Variants in UACA observed in about 807,000 individuals in gnomAD.
The protein encoded by UACA is uveal autoantigen with coiled-coil domains and ankyrin repeats.
In UACA, 112 loss-of-function variants were observed where a neutral mutation model predicts 160.5. That is an observed-to-expected ratio of 0.70 (90% CI 0.60 to 0.82). The LOEUF (loss-of-function observed/expected upper bound fraction) is 0.82, where lower values mean the gene tolerates loss of function less well. Among genes scored for constraint, UACA ranks in the 40% least tolerant of loss-of-function variants. UACA has a pLI of 0.00. For missense variants in UACA, 1,574 were observed against 1,614.6 expected, an observed-to-expected ratio of 0.97 and a Z score of 0.43; for synonymous variants, 557 against 568.4, an observed-to-expected ratio of 0.98 and a Z score of 0.29.
At chr15:70,770,908 G>A in the UACA span, among the ~76,000 whole-genome samples, 2 of 152,308 alleles carry the variant, frequency 1.3e-5, no homozygotes, top group South Asian at 2.1e-4. Flanking sequence ...CACCCAGAGG[G>A]TTGAGCTCTT....
chr15:70,767,993 A>G (rs960060576), upstream of UACA: 1 of 152,220 alleles, frequency 6.6e-6, no homozygotes, highest in African/African-American at 2.4e-5. Context: ...AAAAAAATAA[A>G]TAGGTCATCT....
the UACA span, among the ~76,000 whole-genome samples, chr15:70,768,645 C>T: frequency 6.6e-6 from 1 of 152,128 alleles, no homozygotes; most frequent in Admixed American, 6.5e-5. Flanking sequence ...CAGATAAACA[C>T]CAGGAATTTG....
At chr15:70,717,918 C>T (rs2140984996) in intron 1 of UACA, among the ~76,000 whole-genome samples, 1 of 152,036 alleles carries the variant, frequency 6.6e-6, no homozygotes, top group East Asian at 1.9e-4. Flanking sequence ...GCAATTCTAC[C>T]TCAAGACTGT....
At position 70,695,124 on chromosome 15, in the gene UACA, T is replaced by C. The variant is rs549651259; in HGVS notation, c.213-19A>G. 5 of 1,559,792 alleles carry C rather than the reference T, an allele frequency of 3.2e-6. No individual in the cohort carries two copies. Among genetic ancestry groups the C allele is most frequent in the African/African-American group, 1.4e-5 (1 of 72,724 alleles). On this transcript the variant is annotated intron_variant, in intron 2 of 18. Coordinates refer to ENST00000322954, the MANE Select transcript of UACA (RefSeq NM_018003.4). ...ATGGAAGCTAAACAAAAAAAAAATA[T>C]TTGTTGTGCTAAGGAAACAACCAAA...
At chr15:70,728,507 G>A (rs1899216268) in intron 1 of UACA, among the ~76,000 whole-genome samples, 2 of 149,624 alleles carry the variant, frequency 1.3e-5, no homozygotes, top group African/African-American at 2.5e-5. Flanking sequence ...AGGTTGCGGT[G>A]AGCCGAGATT....
intron 1 of UACA, among the ~76,000 whole-genome samples, chr15:70,728,716 T>C (rs1899225613): frequency 6.6e-6 from 1 of 151,928 alleles, no homozygotes; most frequent in African/African-American, 2.4e-5. Context: ...GCTAAAGAGC[T>C]TCCACACAGT....
chr15:70,663,101 G>T (rs1258426922), intron 17 of UACA, among the ~76,000 whole-genome samples: 3 of 152,140 alleles, frequency 2.0e-5, no homozygotes, highest in Non-Finnish European at 2.9e-5. Flanking sequence ...GAACATTTTT[G>T]CAATCCACTC....
chr15:70,758,870 C>A lies in UACA; in HGVS notation c.78+4460G>T, dbSNP rs1427366506. ...TCAGGTCAGAGATTACTTCTACAAT[C>A]AAAGTACTCTGCTACGACTTTGTTT... is the stretch of plus-strand genomic sequence containing the variant. On this transcript the variant is annotated intron_variant, in intron 1 of 18. Coordinates refer to ENST00000322954, the MANE Select transcript of UACA (RefSeq NM_018003.4). 1.3e-5 allele frequency: 2 copies of A among 152,120 alleles called. 1 individual carries two copies. The highest frequency in any genetic ancestry group is 4.8e-5 in the African/African-American group (2 of 41,418). The allele number at this position is 152,120 out of a possible 1,614,324, so 9.4% of individuals were successfully genotyped here.
intron 1 of UACA, among the ~76,000 whole-genome samples, chr15:70,747,811 G>A (rs1390168503): frequency 6.6e-6 from 1 of 151,876 alleles, no homozygotes; most frequent in Non-Finnish European, 1.5e-5. Context: ...AATGAAAGAT[G>A]ACATTTTTTA....
intron 1 of UACA, chr15:70,749,200 T>C (rs748803384): frequency 7.8e-5 from 35 of 447,630 alleles, no homozygotes; most frequent in Non-Finnish European, 1.2e-4. Context: ...TTTCAAATGT[T>C]ATGTATGTTT....
chr15:70,705,088 T>A (rs1025874679), intron 1 of UACA, among the ~76,000 whole-genome samples: 1 of 152,192 alleles, frequency 6.6e-6, no homozygotes, highest in African/African-American at 2.4e-5. Flanking sequence ...GGGCGCATAC[T>A]CCTAAATTAG....
In UACA at chr15:70,686,460, A is replaced by C. The variant is rs1897721088; in HGVS notation, c.602+1080T>G. ...ATAAAGAAATGCTTGAGTTAAGATAAGGGGAGTTGTAGAAGCCAGGGTTCT... is the reference window on the plus strand; with the variant it reads ...ATAAAGAAATGCTTGAGTTAAGATACGGGGAGTTGTAGAAGCCAGGGTTCT... On this transcript the variant is annotated intron_variant, in intron 7 of 18. Coordinates refer to ENST00000322954, the MANE Select transcript of UACA (RefSeq NM_018003.4). 4.0e-5 allele frequency among the ~76,000 whole-genome samples: 6 copies of C among 150,494 alleles called. No homozygotes were observed. In the South Asian group the frequency reaches 1.3e-3, roughly 32 times the overall value.
rs186802371 is a variant in UACA, at chr15:70,727,809, A to G, written c.79-28149T>C. ...GTGGTTTTCAAACCTTTCTAATTTT[A>G]AAAATTTTCTTAAAAGCCTTGAAAT... On this transcript the variant is annotated intron_variant, in intron 1 of 18. Transcript: ENST00000322954. 2.0e-5 allele frequency among the ~76,000 whole-genome samples: 3 copies of G among 152,352 alleles called. No individual in the cohort carries two copies. In the East Asian group the frequency reaches 5.8e-4, roughly 29 times the overall value.
intron 1 of UACA, among the ~76,000 whole-genome samples, chr15:70,747,209 T>C (rs150069824): frequency 6.6e-6 from 1 of 152,152 alleles, no homozygotes; most frequent in East Asian, 1.9e-4. Flanking sequence ...CAAAATTACT[T>C]TGTGCAGAAA....
Position 70,660,081 on chromosome 15 carries a change from A to G in UACA, c.4179+70T>C, listed in dbSNP as rs539797748. The G allele has an allele frequency of 1.1e-5, 14 of 1,291,562 alleles. No homozygotes were observed. In the South Asian group the frequency reaches 1.8e-4, roughly 17 times the overall value. The allele number at this position is 1,291,562 out of a possible 1,614,324, so 80.0% of individuals were successfully genotyped here. A position where few individuals can be genotyped will look rare whatever the true frequency, so the allele number is the denominator to read the frequency against. On this transcript the variant is annotated intron_variant, in intron 18 of 18. Transcript: ENST00000322954. ...TTTAAACATCAATTACTTTCACATA[A>G]ATTTATTTGAAAATAAAAAATTATT...
At chr15:70,662,542 C>G (rs1379798447) in intron 17 of UACA, among the ~76,000 whole-genome samples, 1 of 152,162 alleles carries the variant, frequency 6.6e-6, no homozygotes, top group African/African-American at 2.4e-5. Flanking sequence ...AAAAAAGAGC[C>G]TGCATCGCCA....
chr15:70,739,063 G>A (rs894601914), intron 1 of UACA, among the ~76,000 whole-genome samples: 1 of 152,164 alleles, frequency 6.6e-6, no homozygotes, highest in Non-Finnish European at 1.5e-5. Flanking sequence ...AAGAGGTAGG[G>A]AAACAAAGTC....
At chr15:70,675,476 G>A (rs1449249156) in intron 13 of UACA, among the ~76,000 whole-genome samples, 1 of 152,166 alleles carries the variant, frequency 6.6e-6, no homozygotes, top group East Asian at 1.9e-4. Flanking sequence ...CCCAGATTAA[G>A]ATATAAAACA....
chr15:70,756,718 C>G (rs987260144), intron 1 of UACA, among the ~76,000 whole-genome samples: 5 of 152,072 alleles, frequency 3.3e-5, no homozygotes, highest in African/African-American at 9.7e-5. Flanking sequence ...ACCAAAAATA[C>G]AAAAATTAGC....
Sources: allele counts gnomAD v4.1 joint callset (sites outside exome capture counted in the v4.1 genomes callset), GRCh38; gene constraint gnomAD v4.1.1; transcripts MANE v1.5; gene names NCBI Gene and HGNC (gene_info 2026-07-23, HGNC 2026-07-21).